The following DMD variants were observed in gnomAD, a reference collection of about 807,000 sequenced individuals.
DMD encodes dystrophin.
In DMD, 63 loss-of-function variants were observed where a neutral mutation model predicts 330.1. The ratio of observed to expected loss-of-function variants is 0.19; its 90% confidence interval spans 0.16 to 0.24. The LOEUF (loss-of-function observed/expected upper bound fraction) is 0.24, where lower values mean the gene tolerates loss of function less well. DMD is among the 10% of genes least tolerant of loss of function. The probability of loss-of-function intolerance (pLI) is 1.00; values close to 1 mark genes in which losing one functional copy is unlikely to be tolerated. For missense variants in DMD, 3,344 were observed against 2,684.1 expected, an observed-to-expected ratio of 1.25 and a Z score of -5.43; for synonymous variants, 1,223 against 959.8, an observed-to-expected ratio of 1.27 and a Z score of -5.07.
At chrX:32,521,134 TCTTA>T (rs1230790421) in intron 17 of DMD, among the ~76,000 whole-genome samples, 1 of 111,887 alleles carries the variant, frequency 8.9e-6, no homozygotes, top group East Asian at 2.8e-4. Flanking sequence ...AACTTTATTC[TCTTA>T]CTTTTGCTCA....
At chrX:32,088,900 A>C (rs2096458030) in intron 44 of DMD, among the ~76,000 whole-genome samples, 1 of 111,635 alleles carries the variant, frequency 9.0e-6, no homozygotes, top group Non-Finnish European at 1.9e-5. Flanking sequence ...GCCCTAAAAG[A>C]AACTACTGAT....
chrX:31,921,676 CTG>C (rs772819626), intron 47 of DMD, among the ~76,000 whole-genome samples: 5 of 112,343 alleles, frequency 4.5e-5, no homozygotes, highest in Non-Finnish European at 9.4e-5. Flanking sequence ...ATGCCAGATA[CTG>C]TGTTACACAT....
At chrX:31,948,072 T>G (rs1417979699) in intron 45 of DMD, among the ~76,000 whole-genome samples, 1 of 111,629 alleles carries the variant, frequency 9.0e-6, no homozygotes, top group African/African-American at 3.3e-5. Context: ...TCTCTGGTTC[T>G]ACGAGTTTGA....
intron 34 of DMD, among the ~76,000 whole-genome samples, chrX:32,376,329 A>G (rs745562341): frequency 1.8e-5 from 2 of 111,600 alleles, no homozygotes; most frequent in East Asian, 2.8e-4. Flanking sequence ...TGGTTTCCCT[A>G]CAAGTTGGAA....
chrX:33,215,196 G>A (rs1050163833), upstream of DMD, among the ~76,000 whole-genome samples: 1 of 109,106 alleles, frequency 9.2e-6, no homozygotes, highest in Admixed American at 9.9e-5. Context: ...GTGATGTCAG[G>A]CGCCTGTCAT....
chrX:33,012,610 T>C (rs1430160602), intron 2 of DMD, among the ~76,000 whole-genome samples: 3 of 111,475 alleles, frequency 2.7e-5, no homozygotes, highest in African/African-American at 9.8e-5. Flanking sequence ...GTGATACTCA[T>C]TTAGTAGAAA....
rs915526544 is a variant in DMD, at chrX:31,450,149, C to G, written c.8938-5522G>C. 7.2e-5 allele frequency among the ~76,000 whole-genome samples: 8 copies of G among 111,322 alleles called. No homozygotes were observed. The Admixed American group carries it at 7.7e-4, about 11-fold the overall frequency. On this transcript the variant is annotated intron_variant, in intron 59 of 78. Coordinates refer to ENST00000357033, the MANE Select transcript of DMD (RefSeq NM_004006.3). ...AGGAGGTGCTAGGAAAGAAAAGTCC[C>G]AGCATTCTTCATGCTGAGCTAGTCA... is the stretch of plus-strand genomic sequence containing the variant.
intron 53 of DMD, among the ~76,000 whole-genome samples, chrX:31,667,640 T>G (rs2081507556): frequency 9.0e-6 from 1 of 111,000 alleles, no homozygotes; most frequent in Non-Finnish European, 1.9e-5. Flanking sequence ...AAAAATTTAT[T>G]GTGAATTTAA....
At chrX:31,997,342 A>T (rs896091486) in intron 44 of DMD, among the ~76,000 whole-genome samples, 5 of 111,131 alleles carry the variant, frequency 4.5e-5, no homozygotes, top group Non-Finnish European at 9.5e-5. Context: ...GGGAAGCTTT[A>T]AAAAAATTCC....
intron 4 of DMD, among the ~76,000 whole-genome samples, chrX:32,843,935 C>T (rs757402297): frequency 2.7e-5 from 3 of 112,216 alleles, no homozygotes; most frequent in Middle Eastern, 4.2e-3. Context: ...AAAAACAAAT[C>T]TGCCATTCAT....
chrX:32,080,789 G>A (rs933131573), intron 44 of DMD, among the ~76,000 whole-genome samples: 5 of 111,443 alleles, frequency 4.5e-5, no homozygotes, highest in African/African-American at 1.6e-4. Flanking sequence ...CCTTGCACAA[G>A]GTCATGACTT....
intron 39 of DMD, 147 bp from the exon 40 acceptor site, chrX:32,343,433 A>T (rs1344006793): frequency 1.8e-6 from 1 of 552,836 alleles, no homozygotes; most frequent in Non-Finnish European, 2.9e-6. Context: ...ATACAAAGAC[A>T]TAATTAAATT....
intron 1 of DMD, among the ~76,000 whole-genome samples, chrX:33,311,576 AT>A (rs757188440): frequency 1.4e-4 from 16 of 110,591 alleles, no homozygotes; most frequent in Admixed American, 2.9e-4. Flanking sequence ...TAAAGTCTGA[AT>A]TTTTTTCTTG....
chrX:31,125,039 A>G (rs188124723), intron 78 of DMD, among the ~76,000 whole-genome samples: 2 of 111,768 alleles, frequency 1.8e-5, no homozygotes, highest in Non-Finnish European at 3.8e-5. Context: ...AACTTGTCTG[A>G]ACACCATACA....
intron 3 of DMD, among the ~76,000 whole-genome samples, chrX:32,848,564 G>A (rs1207810930): frequency 1.8e-5 from 2 of 109,383 alleles, no homozygotes. Flanking sequence ...GAAAAAAATG[G>A]ATCCGTTTTA....
chrX:32,563,938 C>T (rs1054023204), intron 16 of DMD, among the ~76,000 whole-genome samples: 4 of 111,330 alleles, frequency 3.6e-5, no homozygotes, highest in African/African-American at 1.3e-4. Context: ...CAGGGGTTTG[C>T]TTACCAATTA....
At chrX:33,283,951 G>A (rs2053385742) in intron 1 of DMD, among the ~76,000 whole-genome samples, 1 of 110,599 alleles carries the variant, frequency 9.0e-6, no homozygotes, top group Admixed American at 9.7e-5. Flanking sequence ...CCGGGAGGCG[G>A]AGGTTGCAGT....
intron 30 of DMD, among the ~76,000 whole-genome samples, chrX:32,393,432 C>T (rs780584038): frequency 3.3e-4 from 37 of 111,248 alleles, no homozygotes; most frequent in African/African-American, 1.1e-3. Flanking sequence ...ATTTTGATCA[C>T]GAAGATAAAT....
chrX:32,012,293 A>G (rs1400035790), intron 44 of DMD, among the ~76,000 whole-genome samples: 2 of 112,072 alleles, frequency 1.8e-5, no homozygotes, highest in Admixed American at 1.9e-4. Flanking sequence ...CAATAACAGC[A>G]TCTGTCATAA....
Sources: allele counts gnomAD v4.1 joint callset (sites outside exome capture counted in the v4.1 genomes callset), GRCh38; gene constraint gnomAD v4.1.1; transcripts MANE v1.5; gene names NCBI Gene and HGNC (gene_info 2026-07-23, HGNC 2026-07-21).